Variants in FGD6 observed in about 807,000 individuals in gnomAD.
FGD6 encodes FYVE, RhoGEF and PH domain containing 6.
In FGD6, 90 loss-of-function variants were observed where a neutral mutation model predicts 149.4. The observed-to-expected ratio is 0.60, with a 90% CI of 0.51 to 0.72. The LOEUF is 0.72. FGD6 is among the 30% of genes least tolerant of loss of function. The pLI is 0.00. For missense variants in FGD6, 1,437 were observed against 1,684.8 expected (o/e 0.85, Z 2.57); for synonymous variants, 527 against 584.0 (o/e 0.90, Z 1.41).
chr12:95,108,588 A>G (rs1565897995), intron 9 of FGD6, 27 bp from the exon 10 acceptor site: 2 of 1,613,174 alleles, frequency 1.2e-6, no homozygotes, highest in Middle Eastern at 1.7e-4. Context: ...CAAAACGTGC[A>G]TTTAGTAATT....
intron 2 of FGD6, among the ~76,000 whole-genome samples, chr12:95,202,045 A>G (rs75362872): frequency 9.3e-4 from 140 of 150,442 alleles, no homozygotes; most frequent in African/African-American, 3.2e-3. Flanking sequence ...TTTTTCTTCT[A>G]TCTCTAAAAA....
At chr12:95,123,829 T>C (rs1879260165) in intron 8 of FGD6, among the ~76,000 whole-genome samples, 1 of 152,162 alleles carries the variant, frequency 6.6e-6, no homozygotes, top group Non-Finnish European at 1.5e-5. Context: ...CCCAAAGTGC[T>C]GGGATTACAG....
chr12:95,082,602 A>G (rs964403407), intron 20 of FGD6, among the ~76,000 whole-genome samples: 4 of 146,454 alleles, frequency 2.7e-5, no homozygotes, highest in Non-Finnish European at 6.0e-5. Flanking sequence ...GGTTGCAGTG[A>G]GCTGAGACTG....
At chr12:95,217,128 C>G in intron 1 of FGD6, 97 bp downstream of exon 1, 1 of 1,563,088 alleles carries the variant, frequency 6.4e-7, no homozygotes, top group African/African-American at 1.4e-5. Context: ...ACGGGGCACA[C>G]AACTCGCCCA....
At chr12:95,173,035 T>C (rs1306403682) in intron 2 of FGD6, among the ~76,000 whole-genome samples, 2 of 152,204 alleles carry the variant, frequency 1.3e-5, no homozygotes, top group Non-Finnish European at 2.9e-5. Flanking sequence ...AGATCAGGTC[T>C]CTACTCCTAG....
chr12:95,091,847 G>T (rs754330811), intron 16 of FGD6, 38 bp from the exon 17 acceptor site: 19 of 1,475,422 alleles, frequency 1.3e-5, no homozygotes, highest in Non-Finnish European at 1.7e-5. Context: ...AATTTCATTA[G>T]AATAACTTGT....
chr12:95,199,929 G>A (rs1025227018), intron 2 of FGD6, among the ~76,000 whole-genome samples: 1 of 152,042 alleles, frequency 6.6e-6, no homozygotes, highest in Admixed American at 6.6e-5. Flanking sequence ...GGGACTGTGG[G>A]ATACATCAAA....
chr12:95,190,326 C>T (rs905864620), intron 2 of FGD6, among the ~76,000 whole-genome samples: 6 of 152,200 alleles, frequency 3.9e-5, no homozygotes, highest in South Asian at 2.1e-4. Context: ...GCCACCACTG[C>T]GCCCGGCTAC....
chr12:95,079,502 C>T lies in FGD6; in HGVS notation c.*2018G>A, dbSNP rs1430770603. 1 of 152,180 alleles carries T rather than the reference C, an allele frequency of 6.6e-6. No homozygotes were observed. 9.4% of individuals were successfully genotyped at this position (152,180 alleles called of 1,614,324 possible). A position where few individuals can be genotyped will look rare whatever the true frequency, so the allele number is the denominator to read the frequency against. On this transcript the variant is annotated 3_prime_UTR_variant, in exon 21 of 21. Coordinates refer to ENST00000343958, the MANE Select transcript of FGD6 (RefSeq NM_018351.4). The stretch of plus-strand genomic sequence containing the variant: ...AGCTCAAGAGGAGGGAAAGAAAACC[C>T]AAATAACTTGTCTTGCTAAATGCCA...
At chr12:95,143,297 T>G (rs1485149272) in intron 5 of FGD6, among the ~76,000 whole-genome samples, 6 of 151,588 alleles carry the variant, frequency 4.0e-5, no homozygotes, top group East Asian at 1.9e-4. Context: ...TTTTTTGTTT[T>G]TTTTTTTTTT....
In FGD6 at chr12:95,141,530, C is replaced by G. The variant is rs144218820; in HGVS notation, c.2695G>C (p.Asp899His). Residue 899 changes from aspartate (D) to histidine (H), a missense_variant, in exon 6 of 21, where the codon GAT (aspartate) becomes CAT (histidine). Asp to His is a moderately conservative substitution (Grantham distance 81). This residue lies in a region of FGD6 where 1,055 missense variants were observed against 1,146.0 expected (regional missense o/e 0.92). Transcript: ENST00000343958. ...TGCCTGGAAGCATGAGCTACTGCATCCCGGAAATCCTATTACAGTCCAGAG... is the reference window on the plus strand; with the variant it reads ...TGCCTGGAAGCATGAGCTACTGCATGCCGGAAATCCTATTACAGTCCAGAG... ...VLKLLHIDFR[D>H]AVAHASRQLG... is the part of the protein sequence containing the mutation. 264 of 1,613,946 alleles carry G rather than the reference C, an allele frequency of 1.6e-4. No homozygotes were observed. The highest frequency in any genetic ancestry group is 2.2e-4 in the Non-Finnish European group (262 of 1,180,004).
chr12:95,168,680 A>G (rs1470744871), intron 3 of FGD6, among the ~76,000 whole-genome samples: 1 of 152,034 alleles, frequency 6.6e-6, no homozygotes, highest in African/African-American at 2.4e-5. Flanking sequence ...AAAAAAAATC[A>G]ATAATAGGTA....
rs1185516503 is a variant in FGD6 at position 95,077,751 on chromosome 12, CAG to C, written c.*3767_*3768del. On this transcript the variant is annotated 3_prime_UTR_variant, in exon 21 of 21. Transcript: ENST00000343958. ...GATGGAAAGGATACTTGAGTAATTG[CAG>C]AGTCTTGTTGAGAGTTAGAGGCAGA... The C allele has an allele frequency of 2.0e-5, 3 of 152,170 alleles. No homozygotes were observed. The highest frequency in any genetic ancestry group is 7.2e-5 in the African/African-American group (3 of 41,440). The allele number at this position is 152,170 out of a possible 1,614,324, so 9.4% of individuals were successfully genotyped here.
At chr12:95,127,010 G>A (rs895562216) in intron 8 of FGD6, among the ~76,000 whole-genome samples, 6 of 152,002 alleles carry the variant, frequency 3.9e-5, no homozygotes, top group African/African-American at 1.5e-4. Flanking sequence ...ATTCTGAGTT[G>A]CATTATCTTC....
At chr12:95,128,411 A>G (rs1177687456) in intron 8 of FGD6, among the ~76,000 whole-genome samples, 2 of 151,730 alleles carry the variant, frequency 1.3e-5, no homozygotes, top group Non-Finnish European at 2.9e-5. Flanking sequence ...TAATTTTTAA[A>G]TTTTTCTTTT....
intron 5 of FGD6, among the ~76,000 whole-genome samples, chr12:95,145,473 G>A (rs889634259): frequency 6.6e-5 from 10 of 152,066 alleles, no homozygotes; most frequent in African/African-American, 2.2e-4. Context: ...GATCACCCTG[G>A]CTGGTCCGTC....
intron 8 of FGD6, among the ~76,000 whole-genome samples, chr12:95,124,283 G>A (rs893441796): frequency 1.3e-5 from 2 of 152,086 alleles, no homozygotes; most frequent in African/African-American, 4.8e-5. Context: ...TTAAGTGTAC[G>A]GAAATGGCCT....
intron 2 of FGD6, among the ~76,000 whole-genome samples, chr12:95,174,274 A>C (rs1881069363): frequency 6.6e-6 from 1 of 152,214 alleles, no homozygotes; most frequent in Non-Finnish European, 1.5e-5. Context: ...GCGAGAGCAA[A>C]TGAGAGTTAA....
chr12:95,083,001 AAAAAAAAAAAAAT>A (rs1424234861), intron 20 of FGD6, among the ~76,000 whole-genome samples: 1 of 67,210 alleles, frequency 1.5e-5, no homozygotes, highest in African/African-American at 5.9e-5. Context: ...AAAAAAAAAA[AAAAAAAAAAAAAT>A]ATATATATAT....
Sources: allele counts gnomAD v4.1 joint callset (sites outside exome capture counted in the v4.1 genomes callset), GRCh38; gene constraint gnomAD v4.1.1; regional missense constraint gnomAD v4.1.1; transcripts MANE v1.5; gene names NCBI Gene and HGNC (gene_info 2026-07-23, HGNC 2026-07-21).